Variants in ETV5 observed in about 807,000 individuals in gnomAD.
ETV5 encodes the protein ETS translocation variant 5.
ETV5 carries 10 observed loss-of-function variants against 70.0 expected under a neutral mutation model. That is an observed-to-expected ratio of 0.14 (90% CI 0.09 to 0.24). The LOEUF is 0.24. ETV5 is among the 10% of genes least tolerant of loss of function. ETV5 has a pLI of 1.00. For synonymous variants in ETV5, 216 were observed against 242.2 expected, an observed-to-expected ratio of 0.89 and a Z score of 1.01; for missense variants, 453 against 651.2, an observed-to-expected ratio of 0.70 and a Z score of 3.31.
intron 5 of ETV5, among the ~76,000 whole-genome samples, chr3:186,087,676 C>G (rs933873799): frequency 6.6e-6 from 1 of 152,172 alleles, no homozygotes; most frequent in African/African-American, 2.4e-5. Context: ...CCTCTGCTGA[C>G]AAAAGCTGTT....
intron 5 of ETV5, among the ~76,000 whole-genome samples, chr3:186,092,189 G>T (rs1041171008): frequency 6.6e-6 from 1 of 152,152 alleles, no homozygotes; most frequent in African/African-American, 2.4e-5. Flanking sequence ...GACACTGGAA[G>T]ATTACTCTAG....
At chr3:186,060,690 T>G (rs758228614) in intron 9 of ETV5, among the ~76,000 whole-genome samples, 7 of 152,134 alleles carry the variant, frequency 4.6e-5, no homozygotes, top group Non-Finnish European at 1.0e-4. Flanking sequence ...AAATGCTGGA[T>G]TCTTTGAAAC....
chr3:186,092,460 G>T (rs1714203285), intron 5 of ETV5, among the ~76,000 whole-genome samples: 1 of 152,078 alleles, frequency 6.6e-6, no homozygotes, highest in African/African-American at 2.4e-5. Flanking sequence ...TAGAGATAGG[G>T]TCTTGCTCTG....
intron 12 of ETV5, among the ~76,000 whole-genome samples, chr3:186,049,295 G>C (rs1215440260): frequency 6.6e-6 from 1 of 152,220 alleles, no homozygotes; most frequent in Non-Finnish European, 1.5e-5. Flanking sequence ...AATCTGATGA[G>C]AGCGAGCCTG....
Position 186,048,504 on chromosome 3 carries a change from A to G in ETV5, c.*135T>C. ...TGTCTTTAAGGGTGCCAATCCAGAG[A>G]CAGCTTGGGTTCTCCAGATAATACT... On this transcript the variant is annotated 3_prime_UTR_variant, in exon 13 of 13. Coordinates refer to ENST00000306376, the MANE Select transcript of ETV5 (RefSeq NM_004454.3). 1 of 776,610 alleles carries G rather than the reference A, an allele frequency of 1.3e-6. No individual in the cohort carries two copies. The highest frequency in any genetic ancestry group is 1.8e-5 in the South Asian group (1 of 56,508). The allele number at this position is 776,610 out of a possible 1,614,324, so 48.1% of individuals were successfully genotyped here. A position where few individuals can be genotyped will look rare whatever the true frequency, so the allele number is the denominator to read the frequency against.
At chr3:186,082,463 T>G (rs1713955374) in intron 5 of ETV5, among the ~76,000 whole-genome samples, 1 of 151,142 alleles carries the variant, frequency 6.6e-6, no homozygotes, top group African/African-American at 2.4e-5. Context: ...AGTCTTACTC[T>G]GTCGCCCAGG....
chr3:186,065,700 TA>T (rs1560047539), intron 8 of ETV5, 112 bp downstream of exon 8: 3 of 1,315,878 alleles, frequency 2.3e-6, no homozygotes, highest in East Asian at 4.9e-5. Context: ...ATAAAAATTA[TA>T]AAAAATTCTT....
intron 8 of ETV5, 48 bp downstream of exon 8, chr3:186,065,765 C>T: frequency 6.2e-7 from 1 of 1,611,322 alleles, no homozygotes; most frequent in Non-Finnish European, 8.5e-7. Context: ...AATAACGAGA[C>T]AGAAGAATGC....
At chr3:186,078,947 G>C in intron 7 of ETV5, 5 of 495,700 alleles carry the variant, frequency 1.0e-5, no homozygotes, top group Non-Finnish European at 1.4e-5. Context: ...CCTGGGAAAG[G>C]TATACTCATA....
chr3:186,095,772 C>T lies in ETV5; in HGVS notation c.232+9533G>A, dbSNP rs369756803. 2.0e-4 allele frequency among the ~76,000 whole-genome samples: 31 copies of T among 152,350 alleles called. 1 individual carries two copies. The highest frequency in any genetic ancestry group is 7.5e-4 in the African/African-American group (31 of 41,584). On this transcript the variant is annotated intron_variant, in intron 5 of 12. Transcript: ENST00000306376. ...AATAGCCCTAACTAGCTTTTGTTCTCTTTATCTAGAAGGTCATCCCAAGGA... is the reference window on the plus strand; with the variant it reads ...AATAGCCCTAACTAGCTTTTGTTCTTTTTATCTAGAAGGTCATCCCAAGGA...
rs1333412179 is a variant in ETV5 at position 186,102,263 on chromosome 3, A to G, written c.232+3042T>C. Reference sequence around the variant, plus strand: ...TTCTCTTTCTTTCATGTATACAATAAATTTACACATATACAATGGAAAATT... The same window carrying G: ...TTCTCTTTCTTTCATGTATACAATAGATTTACACATATACAATGGAAAATT... On this transcript the variant is annotated intron_variant, in intron 5 of 12. Coordinates refer to ENST00000306376, the MANE Select transcript of ETV5 (RefSeq NM_004454.3). 2.0e-5 allele frequency among the ~76,000 whole-genome samples: 3 copies of G among 152,306 alleles called. No individual in the cohort carries two copies. The South Asian group carries it at 6.2e-4, about 32-fold the overall frequency.
chr3:186,079,800 C>A lies in ETV5; in HGVS notation c.650+17G>T. The A allele has an allele frequency of 6.3e-7, 1 of 1,590,394 alleles. No homozygotes were observed. The highest frequency in any genetic ancestry group is 1.2e-5 in the South Asian group (1 of 85,276). On this transcript the variant is annotated intron_variant, in intron 7 of 12. Transcript: ENST00000306376. ...GTGAGGGAGACAATTAAGGAAGAAG[C>A]CCAGATCAACACCCACCTCTGTTCT...
At chr3:186,097,932 CA>C (rs1714344713) in intron 5 of ETV5, among the ~76,000 whole-genome samples, 1 of 152,210 alleles carries the variant, frequency 6.6e-6, no homozygotes, top group Non-Finnish European at 1.5e-5. Context: ...CCTCCATTCA[CA>C]ACCAATTTGG....
chr3:186,086,874 G>A (rs1714072028), intron 5 of ETV5, among the ~76,000 whole-genome samples: 1 of 152,042 alleles, frequency 6.6e-6, no homozygotes, highest in Non-Finnish European at 1.5e-5. Context: ...GGTAGGGTGA[G>A]GTGGGCGGGT....
In ETV5 at chr3:186,057,569, G is replaced by C. The variant is rs1009713076; in HGVS notation, c.971-78C>G. On this transcript the variant is annotated intron_variant, in intron 9 of 12. Transcript: ENST00000306376. The surrounding 1 kb of genome is among the most constrained non-coding windows in gnomAD (Gnocchi z 4.9). Reference sequence around the variant, plus strand: ...ACTAAAACTATGGATTTAAGGACTAGAGTGCAATCCTATCATTTCAGATCC... The same window carrying C: ...ACTAAAACTATGGATTTAAGGACTACAGTGCAATCCTATCATTTCAGATCC... The C allele has an allele frequency of 5.0e-5, 60 of 1,204,910 alleles. No individual in the cohort carries two copies. Among genetic ancestry groups the C allele is most frequent in the Middle Eastern group, 3.9e-4 (2 of 5,078 alleles). 74.6% of individuals were successfully genotyped at this position (1,204,910 alleles called of 1,614,324 possible).
In ETV5 at chr3:186,046,730, C is replaced by T. The variant is rs1578532069; in HGVS notation, c.*1909G>A. ...TAAAGAAAGGAAAACCAAATCTATA[C>T]AGCATTTACAACAAATAAATCTCTA... is the stretch of plus-strand genomic sequence containing the variant. On this transcript the variant is annotated 3_prime_UTR_variant, in exon 13 of 13. Transcript: ENST00000306376. 4.4e-6 allele frequency: 1 copy of T among 228,954 alleles called. No individual in the cohort carries two copies. Among genetic ancestry groups the T allele is most frequent in the East Asian group, 6.2e-5 (1 of 16,144 alleles). The allele number at this position is 228,954 out of a possible 1,614,324, so 14.2% of individuals were successfully genotyped here. A position where few individuals can be genotyped will look rare whatever the true frequency, so the allele number is the denominator to read the frequency against.
At chr3:186,064,130 T>G in intron 9 of ETV5, 1 of 433,324 alleles carries the variant, frequency 2.3e-6, no homozygotes, top group South Asian at 3.5e-5. Context: ...AAAGTTGGGG[T>G]CATTGCTAAT....
intron 1 of ETV5, chr3:186,106,797 G>C: frequency 4.1e-6 from 1 of 241,188 alleles, no homozygotes; most frequent in Non-Finnish European, 6.7e-6. Context: ...TGGGGAAAAA[G>C]GGTGGGGTTA....
At chr3:186,050,183 T>G (rs1401633016) in intron 12 of ETV5, among the ~76,000 whole-genome samples, 1 of 152,186 alleles carries the variant, frequency 6.6e-6, no homozygotes, top group African/African-American at 2.4e-5. Context: ...TTATTAGAAA[T>G]AGAGGCTTTG....
Sources: allele counts gnomAD v4.1 joint callset (sites outside exome capture counted in the v4.1 genomes callset), GRCh38; gene constraint gnomAD v4.1.1; non-coding constraint Gnocchi (gnomAD v3.1); transcripts MANE v1.5; gene names NCBI Gene and HGNC (gene_info 2026-07-23, HGNC 2026-07-21).